Variants in CNTN6 observed in about 807,000 individuals in gnomAD.
CNTN6 encodes contactin-6.
A neutral mutation model predicts 122.8 loss-of-function variants in CNTN6; 137 were observed. That is an observed-to-expected ratio of 1.12 (90% CI 0.97 to 1.29). The LOEUF (loss-of-function observed/expected upper bound fraction) is 1.29, where lower values mean the gene tolerates loss of function less well. CNTN6 is among the 50% of genes most tolerant of loss of function. CNTN6 has a pLI of 0.00. For synonymous variants in CNTN6, 570 were observed against 426.0 expected, an observed-to-expected ratio of 1.34 and a Z score of -4.16; for missense variants, 1,634 against 1,223.4, an observed-to-expected ratio of 1.34 and a Z score of -5.01.
intron 1 of CNTN6, among the ~76,000 whole-genome samples, chr3:1,099,201 C>T (rs2124940623): frequency 6.6e-6 from 1 of 152,232 alleles, no homozygotes; most frequent in South Asian, 2.1e-4. Flanking sequence ...CCTGTAATCC[C>T]AGCACTTTGG....
chr3:1,130,781 T>G (rs1229908761), intron 1 of CNTN6, among the ~76,000 whole-genome samples: 2 of 152,122 alleles, frequency 1.3e-5, no homozygotes, highest in Non-Finnish European at 2.9e-5. Flanking sequence ...TGTGCACATA[T>G]GCAGACAAGA....
At chr3:1,212,252 GTTT>G (rs74499004) in intron 2 of CNTN6, among the ~76,000 whole-genome samples, 45 of 118,382 alleles carry the variant, frequency 3.8e-4, no homozygotes, top group Non-Finnish European at 7.0e-4. Flanking sequence ...AATAAAACTT[GTTT>G]TTTTTTTTTT....
chr3:1,102,597 C>A lies in CNTN6; in HGVS notation c.-83+9477C>A, dbSNP rs902701184. On this transcript the variant is annotated intron_variant, in intron 1 of 22. Coordinates refer to ENST00000446702, the MANE Select transcript of CNTN6 (RefSeq NM_001289080.2). ...TACAAAAATGAGCCGGGCGTGGTGG[C>A]GGCGCCTGTAGTCCCAGCTACTCGG... Among the ~76,000 whole-genome samples the A allele has an allele frequency of 4.1e-4, 61 of 147,704 alleles. 1 individual carries two copies. The highest frequency in any genetic ancestry group is 1.3e-3 in the African/African-American group (52 of 40,200).
chr3:1,110,296 A>T (rs1011373744), intron 1 of CNTN6, among the ~76,000 whole-genome samples: 1 of 152,172 alleles, frequency 6.6e-6, no homozygotes, highest in Non-Finnish European at 1.5e-5. Flanking sequence ...TCTGCTAAAC[A>T]ATGGAAGAAT....
At chr3:1,273,756 C>A (rs760778884) in intron 4 of CNTN6, among the ~76,000 whole-genome samples, 2 of 152,210 alleles carry the variant, frequency 1.3e-5, no homozygotes, top group African/African-American at 4.8e-5. Flanking sequence ...GATTTCCTTT[C>A]ATGTCAGCTA....
chr3:1,393,621 G>GTGATT (rs922169321), intron 20 of CNTN6, among the ~76,000 whole-genome samples: 3 of 146,870 alleles, frequency 2.0e-5, no homozygotes, highest in Middle Eastern at 3.6e-3. Flanking sequence ...AAAATCAAGA[G>GTGATT]TGATTAGAAA....
intron 7 of CNTN6, among the ~76,000 whole-genome samples, chr3:1,319,205 G>C (rs1447996661): frequency 1.3e-5 from 2 of 151,474 alleles, no homozygotes; most frequent in Non-Finnish European, 3.0e-5. Flanking sequence ...TCCTACTTTT[G>C]CCATGACTTT....
chr3:1,376,911 G>T, intron 16 of CNTN6, 94 bp from the exon 17 acceptor site: 1 of 806,624 alleles, frequency 1.2e-6, no homozygotes, highest in South Asian at 1.6e-5. Flanking sequence ...ATGCCTGTGT[G>T]AGATTTTGAA....
chr3:1,210,310 C>G (rs1350208637), intron 2 of CNTN6, among the ~76,000 whole-genome samples: 1 of 148,580 alleles, frequency 6.7e-6, no homozygotes, highest in Non-Finnish European at 1.5e-5. Flanking sequence ...AATTTTGTGA[C>G]TTGACAGGAA....
chr3:1,246,301 A>T (rs187673411), intron 4 of CNTN6, among the ~76,000 whole-genome samples: 2 of 152,178 alleles, frequency 1.3e-5, no homozygotes, highest in African/African-American at 4.8e-5. Context: ...CATGCAATAT[A>T]TAATATATTG....
chr3:1,252,519 G>A (rs2094687559), intron 4 of CNTN6, among the ~76,000 whole-genome samples: 1 of 151,956 alleles, frequency 6.6e-6, no homozygotes, highest in African/African-American at 2.4e-5. Flanking sequence ...TGTTAATTGT[G>A]GATAACTATT....
chr3:1,400,709 A>G lies in CNTN6; in HGVS notation c.2705-724A>G, dbSNP rs1695574213. On this transcript the variant is annotated intron_variant, in intron 20 of 22. Transcript: ENST00000446702. ...TCATCAGCTTTCTCAGGGGAACTCAAACTTGGACTATCTCTGAACAGAGGA... is the reference window on the plus strand; with the variant it reads ...TCATCAGCTTTCTCAGGGGAACTCAGACTTGGACTATCTCTGAACAGAGGA... Among the ~76,000 whole-genome samples the G allele has an allele frequency of 1.3e-5, 2 of 152,226 alleles. 1 individual carries two copies. Among genetic ancestry groups the G allele is most frequent in the East Asian group, 3.9e-4 (2 of 5,168 alleles).
intron 20 of CNTN6, among the ~76,000 whole-genome samples, chr3:1,389,242 G>T (rs1318960686): frequency 6.6e-6 from 1 of 152,026 alleles, no homozygotes; most frequent in East Asian, 1.9e-4. Flanking sequence ...AGCCAGAAGA[G>T]AGTGGGGGCC....
At chr3:1,147,416 G>A (rs879636389) in intron 1 of CNTN6, among the ~76,000 whole-genome samples, 9 of 152,046 alleles carry the variant, frequency 5.9e-5, no homozygotes, top group Non-Finnish European at 1.2e-4. Flanking sequence ...TACAGAACAT[G>A]GACATAGATA....
In CNTN6 at chr3:1,143,988, G is replaced by A. The variant is rs192011646; in HGVS notation, c.-82-3939G>A. Among the ~76,000 whole-genome samples, 4 of 152,310 alleles carry A rather than the reference G, an allele frequency of 2.6e-5. No homozygotes were observed. In the East Asian group the frequency reaches 7.7e-4, roughly 29 times the overall value. ...ATGTTACTCAGCTGGTTAAGAGAAA[G>A]AGACAATAGTAGAAGCAAAATCTCT... On this transcript the variant is annotated intron_variant, in intron 1 of 22. Coordinates refer to ENST00000446702, the MANE Select transcript of CNTN6 (RefSeq NM_001289080.2).
chr3:1,376,120 G>C (rs1169707670), intron 16 of CNTN6, among the ~76,000 whole-genome samples: 1 of 152,044 alleles, frequency 6.6e-6, no homozygotes, highest in African/African-American at 2.4e-5. Context: ...TGCTGATTTA[G>C]CGATTATCAC....
intron 4 of CNTN6, among the ~76,000 whole-genome samples, chr3:1,273,251 C>G (rs1256897907): frequency 6.6e-6 from 1 of 152,156 alleles, no homozygotes; most frequent in Non-Finnish European, 1.5e-5. Context: ...CCTTTGTGGT[C>G]TATGAGAATA....
chr3:1,160,779 C>T (rs1282745422), intron 2 of CNTN6, among the ~76,000 whole-genome samples: 3 of 151,722 alleles, frequency 2.0e-5, no homozygotes, highest in South Asian at 2.1e-4. Context: ...TGAAAATTAC[C>T]GACATATTTA....
chr3:1,372,459 T>G lies in CNTN6; in HGVS notation c.1653T>G (p.Phe551Leu). 5 of 1,610,852 alleles carry G rather than the reference T, an allele frequency of 3.1e-6. No homozygotes were observed. Among genetic ancestry groups the G allele is most frequent in the Non-Finnish European group, 4.2e-6 (5 of 1,178,792 alleles). Residue 551 changes from phenylalanine to leucine, a missense_variant, in exon 13 of 23, where the codon TTT becomes TTG. Physicochemically the swap from Phe to Leu is conservative, Grantham distance 22. Transcript: ENST00000446702. ...ACTTAAAAAAAGGAGTGGCTCATTT[T>G]GAAAGGATTGGAGGAGTAAGTTACT... ...VIDLKKGVAH[F>L]ERIGGESVGD...
Sources: gnomAD v4.1 joint callset for allele counts (sites outside exome capture counted in the v4.1 genomes callset) on GRCh38, gnomAD v4.1.1 for gene constraint, MANE v1.5 for transcripts, NCBI Gene and HGNC (gene_info 2026-07-23, HGNC 2026-07-21) for gene names.